NAV1: variants seen among roughly 807,000 people sequenced by gnomAD.
NAV1 encodes the protein neuron navigator 1.
Under a neutral mutation model 175.2 loss-of-function variants are expected in NAV1, and 18 were observed. The observed-to-expected ratio is 0.10, with a 90% CI of 0.07 to 0.15. The LOEUF (loss-of-function observed/expected upper bound fraction) is 0.15, where lower values mean the gene tolerates loss of function less well. Ranked by LOEUF, NAV1 falls within the 10% of genes least tolerant of loss-of-function variation. The pLI is 1.00. For missense variants in NAV1, 1,731 were observed against 2,436.6 expected, an observed-to-expected ratio of 0.71 and a Z score of 6.10; for synonymous variants, 897 against 978.7, an observed-to-expected ratio of 0.92 and a Z score of 1.56.
chr1:201,605,868 GC>G (rs1180052320), intron 2 of NAV1, among the ~76,000 whole-genome samples: 1 of 152,172 alleles, frequency 6.6e-6, no homozygotes, highest in African/African-American at 2.4e-5. Context: ...GGGGGTGTGA[GC>G]CCCGTGAGAT....
intron 3 of NAV1, among the ~76,000 whole-genome samples, chr1:201,722,833 C>T (rs571994615): frequency 1.8e-3 from 273 of 152,292 alleles, no homozygotes; most frequent in African/African-American, 6.0e-3. Context: ...TGGCCAGGCG[C>T]GGTGGCTCAC....
exon 25 of NAV1, chr1:201,811,658 T>A: frequency 6.2e-7 from 1 of 1,614,068 alleles, no homozygotes; most frequent in Non-Finnish European, 8.5e-7. Context: ...GAAACAGGAA[T>A]TGGGGATGTG....
intron 1 of NAV1, among the ~76,000 whole-genome samples, chr1:201,681,087 G>C (rs1055651984): frequency 3.3e-5 from 5 of 151,978 alleles, no homozygotes; most frequent in Non-Finnish European, 5.9e-5. Flanking sequence ...ACTCCTCTGG[G>C]GGTGCCTTCC....
chr1:201,660,524 T>C (rs1669568488), intron 1 of NAV1, among the ~76,000 whole-genome samples: 1 of 152,140 alleles, frequency 6.6e-6, no homozygotes, highest in East Asian at 1.9e-4. Context: ...GGGTCTGGGC[T>C]CCTTGGAAGG....
At chr1:201,804,598 AAAAAT>A (rs371145058) in intron 17 of NAV1, 101 bp downstream of exon 21, 1,018 of 1,069,066 alleles carry the variant, frequency 9.5e-4, no homozygotes, top group Middle Eastern at 1.7e-3. Context: ...AAAAAAAAAA[AAAAAT>A]GAATGACCAC....
At position 201,782,664 on chromosome 1, in the gene NAV1, C is replaced by A. The variant is rs138136059; in HGVS notation, c.2152C>A (p.Pro718Thr). ...CCTTACGCCTTCCAGACTGAAGGAG[C>A]CTACCAAGGTAGCCAGTGGGCGGAC... Residue 718 changes from proline to threonine, a missense_variant, in exon 6 of 30, where the codon CCT (proline) becomes ACT (threonine). Coordinates refer to ENST00000367296, the Ensembl canonical transcript of NAV1. The surrounding 1 kb of genome is among the most constrained non-coding windows in gnomAD (Gnocchi z 5.4). 172 of 1,614,010 alleles carry A rather than the reference C, an allele frequency of 1.1e-4. 1 individual carries two copies. Among genetic ancestry groups the A allele is most frequent in the Middle Eastern group, 6.6e-4 (4 of 6,084 alleles).
intron 1 of NAV1, among the ~76,000 whole-genome samples, chr1:201,568,720 C>T (rs1043096046): frequency 5.3e-5 from 8 of 152,138 alleles, no homozygotes; most frequent in Non-Finnish European, 1.0e-4. Context: ...AATATATAAA[C>T]AATGCGTGTT....
chr1:201,619,611 C>T (rs1229961139), upstream of NAV1, among the ~76,000 whole-genome samples: 1 of 152,190 alleles, frequency 6.6e-6, no homozygotes, highest in Admixed American at 6.5e-5. Flanking sequence ...TATGAAAGTC[C>T]TTTTCTGTCC....
chr1:201,760,358 A>G (rs1022205833), intron 3 of NAV1, among the ~76,000 whole-genome samples: 14 of 152,222 alleles, frequency 9.2e-5, no homozygotes, highest in African/African-American at 2.2e-4. Context: ...AAATAAATAG[A>G]TTAAACTTTT....
In NAV1 at chr1:201,782,404, T is replaced by C; in HGVS notation, c.1892T>C (p.Ile631Thr). ...GGTGGTTCAGCCACTCTCAGCAAGA[T>C]CCAGAAGTCCTCAGGCATCCCTGTC... The change falls in exon 6 of 30, where the codon ATC (isoleucine) becomes ACC (threonine). Residue 631 changes from isoleucine to threonine, a missense_variant. Physicochemically the swap from Ile to Thr is moderately conservative, Grantham distance 89 (BLOSUM62 -1). Around this residue, in one of 13 missense-constraint regions of NAV1, gnomAD observed 634 missense variants for 766.8 expected, o/e 0.83. Transcript: ENST00000367296. This position sits in a 1 kb window ranked among gnomAD's most constrained non-coding sequence, Gnocchi z 5.4. The C allele has an allele frequency of 6.2e-7, 1 of 1,614,040 alleles. No homozygotes were observed. The highest frequency in any genetic ancestry group is 8.5e-7 in the Non-Finnish European group (1 of 1,179,968).
At chr1:201,587,440 C>T (rs530739893) in intron 1 of NAV1, among the ~76,000 whole-genome samples, 247 of 152,182 alleles carry the variant, frequency 1.6e-3, no homozygotes, top group Non-Finnish European at 3.0e-3. Flanking sequence ...AATTCCAACA[C>T]TTTAAGAGGC....
chr1:201,606,929 C>T (rs1667697755), intron 2 of NAV1, among the ~76,000 whole-genome samples: 1 of 152,156 alleles, frequency 6.6e-6, no homozygotes, highest in African/African-American at 2.4e-5. Context: ...CAATTTGTAA[C>T]CAAGAATCTT....
chr1:201,615,137 A>G (rs1178987926), intron 2 of NAV1, among the ~76,000 whole-genome samples: 2 of 152,032 alleles, frequency 1.3e-5, no homozygotes, highest in Admixed American at 1.3e-4. Context: ...CAGCCTCTCA[A>G]CTCACCTGCC....
exon 23 of NAV1, chr1:201,809,979 C>T: frequency 6.2e-7 from 1 of 1,614,026 alleles, no homozygotes; most frequent in South Asian, 1.1e-5. Flanking sequence ...AGCCTCTACC[C>T]TGGGACTAAG....
intron 1 of NAV1, among the ~76,000 whole-genome samples, chr1:201,683,719 G>A (rs1670558612): frequency 6.6e-6 from 1 of 152,158 alleles, no homozygotes; most frequent in South Asian, 2.1e-4. Context: ...CACTGTTGAT[G>A]TTGACCTTAA....
intron 1 of NAV1, among the ~76,000 whole-genome samples, chr1:201,552,609 C>A (rs1258199203): frequency 3.3e-5 from 5 of 152,184 alleles, no homozygotes; most frequent in African/African-American, 4.8e-5. Context: ...GGCAATAATA[C>A]TCAGGCCAGG....
chr1:201,745,459 A>G (rs1049335483), intron 3 of NAV1, among the ~76,000 whole-genome samples: 2 of 152,224 alleles, frequency 1.3e-5, no homozygotes, highest in African/African-American at 4.8e-5. Flanking sequence ...AGAGGGGAGA[A>G]GAGGAAAGTT....
At chr1:201,621,416 C>T (rs1668168236), upstream of NAV1, among the ~76,000 whole-genome samples, 1 of 150,292 alleles carries the variant, frequency 6.7e-6, no homozygotes, top group African/African-American at 2.5e-5. Context: ...TCACTGCAAC[C>T]TCCACCTCCC....
At chr1:201,599,006 G>A (rs950694951) in intron 2 of NAV1, among the ~76,000 whole-genome samples, 3 of 152,182 alleles carry the variant, frequency 2.0e-5, no homozygotes, top group Non-Finnish European at 2.9e-5. Context: ...AAACATTTCT[G>A]GAGCCTCTAG....
Sources: allele counts gnomAD v4.1 joint callset (sites outside exome capture counted in the v4.1 genomes callset), GRCh38; gene constraint gnomAD v4.1.1; regional missense constraint gnomAD v4.1.1; non-coding constraint Gnocchi (gnomAD v3.1); transcripts MANE v1.5; gene names NCBI Gene and HGNC (gene_info 2026-07-23, HGNC 2026-07-21).